SLC26A8: variants seen among roughly 807,000 people sequenced by gnomAD.
SLC26A8 encodes testis anion transporter 1.
In SLC26A8, 70 loss-of-function variants were observed where a neutral mutation model predicts 105.0. The observed-to-expected ratio is 0.67, with a 90% CI of 0.55 to 0.81. The LOEUF is 0.81. Among genes scored for constraint, SLC26A8 ranks in the 40% least tolerant of loss-of-function variants. SLC26A8 has a pLI of 0.00. For synonymous variants in SLC26A8, 415 were observed against 438.3 expected (o/e 0.95, Z 0.66); for missense variants, 998 against 1,181.8 (o/e 0.84, Z 2.28).
chr6:35,977,248 T>G lies in SLC26A8; in HGVS notation c.1129A>C (p.Lys377Gln), dbSNP rs768742066. ...VSSFLLIFLG[K>Q]KIASLHNYSV... The stretch of plus-strand genomic sequence containing the variant: ...TAATTGTGAAGACTGGCAATCTTCT[T>G]GCCCAGAAATATGAGCAGAAAGGAG... The change falls in exon 9 of 20, where the codon AAG (lysine) becomes CAG (glutamine). Residue 377 changes from lysine (K) to glutamine (Q), a missense_variant. Lys to Gln is a moderately conservative substitution (Grantham distance 53). Transcript: ENST00000490799. The G allele has an allele frequency of 6.2e-7, 1 of 1,614,124 alleles. No individual in the cohort carries two copies. Among genetic ancestry groups the G allele is most frequent in the South Asian group, 1.1e-5 (1 of 91,078 alleles).
intron 19 of SLC26A8, among the ~76,000 whole-genome samples, chr6:35,950,827 T>C (rs567252485): frequency 1.3e-5 from 2 of 152,122 alleles, no homozygotes; most frequent in Non-Finnish European, 1.5e-5. Context: ...ATTTAGCAAC[T>C]GGTAATAGAC....
intron 5 of SLC26A8, among the ~76,000 whole-genome samples, chr6:35,996,514 A>T (rs1761354539): frequency 6.6e-6 from 1 of 152,144 alleles, no homozygotes; most frequent in African/African-American, 2.4e-5. Context: ...ACCCAAAGAT[A>T]GTGTGTGAGC....
chr6:35,955,974 C>T (rs994974793), intron 16 of SLC26A8, among the ~76,000 whole-genome samples: 1 of 152,142 alleles, frequency 6.6e-6, no homozygotes, highest in African/African-American at 2.4e-5. Context: ...GGTGCAGTGG[C>T]TCATGCCTAT....
intron 3 of SLC26A8, among the ~76,000 whole-genome samples, chr6:36,010,167 G>A (rs1309472203): frequency 6.6e-6 from 1 of 152,162 alleles, no homozygotes; most frequent in East Asian, 1.9e-4. Flanking sequence ...TCATTTGTGA[G>A]AGACCAAAAC....
At chr6:35,998,143 T>C (rs1279012960) in intron 4 of SLC26A8, among the ~76,000 whole-genome samples, 2 of 152,190 alleles carry the variant, frequency 1.3e-5, no homozygotes, top group African/African-American at 4.8e-5. Flanking sequence ...GTATTTAGTC[T>C]CTTTGTGTTA....
intron 2 of SLC26A8, among the ~76,000 whole-genome samples, chr6:36,015,551 G>A (rs758510162): frequency 1.3e-5 from 2 of 152,172 alleles, no homozygotes; most frequent in East Asian, 1.9e-4. Context: ...TTAAGTGTCC[G>A]GATGGCAAGG....
intron 3 of SLC26A8, among the ~76,000 whole-genome samples, chr6:36,011,875 C>CT (rs1157203271): frequency 6.6e-6 from 1 of 152,212 alleles, no homozygotes; most frequent in East Asian, 1.9e-4. Context: ...TCCCAAAGTG[C>CT]TGGGATTACA....
chr6:35,973,105 C>T (rs564807207), intron 10 of SLC26A8, among the ~76,000 whole-genome samples: 1 of 152,304 alleles, frequency 6.6e-6, no homozygotes, highest in East Asian at 1.9e-4. Flanking sequence ...TTTCCTTGCA[C>T]TGTGATTTAG....
chr6:35,991,802 T>C lies in SLC26A8; in HGVS notation c.799A>G (p.Ile267Val). 1 of 1,586,248 alleles carries C rather than the reference T, an allele frequency of 6.3e-7. No homozygotes were observed. Among genetic ancestry groups the C allele is most frequent in the Non-Finnish European group, 8.5e-7 (1 of 1,170,688 alleles). Residue 267 changes from isoleucine to valine, a missense_variant, in exon 7 of 20, where the codon ATT (isoleucine) becomes GTT (valine). Ile to Val is a conservative substitution (Grantham distance 29, BLOSUM62 3). Transcript: ENST00000490799. ...AGPISFFYDI[I>V]NYCVALPKAN... ...TTTGGGAGAGCTACACAGTAATTAA[T>C]TATGTCCTGAAAGAAAATAAAATTA...
chr6:35,992,374 G>T, intron 6 of SLC26A8, 136 bp downstream of exon 6: 5 of 764,520 alleles, frequency 6.5e-6, no homozygotes, highest in Non-Finnish European at 9.8e-6. Context: ...AATATTTCTA[G>T]TACCCTCTTG....
intron 16 of SLC26A8, among the ~76,000 whole-genome samples, chr6:35,956,464 G>C (rs534545133): frequency 2.0e-5 from 3 of 151,436 alleles, no homozygotes; most frequent in African/African-American, 7.3e-5. Context: ...CATGAGCAAG[G>C]CTGTCTTTAC....
In SLC26A8 at chr6:35,965,669, C is replaced by T. The variant is rs572107553; in HGVS notation, c.1366-3048G>A. ...TGCACTCCAGCCTGGGCAACAAGAG[C>T]GAAACTCCATCTCAAAAAAAAAAAA... On this transcript the variant is annotated intron_variant, in intron 11 of 19. Coordinates refer to ENST00000490799, the MANE Select transcript of SLC26A8 (RefSeq NM_052961.4). Among the ~76,000 whole-genome samples the T allele has an allele frequency of 3.4e-4, 39 of 114,364 alleles. No homozygotes were observed. In the South Asian group the frequency reaches 9.6e-3, roughly 28 times the overall value. The allele number at this position is 114,364 out of a possible 152,430, so 75.0% of individuals were successfully genotyped here. A position where few individuals can be genotyped will look rare whatever the true frequency, so the allele number is the denominator to read the frequency against.
intron 2 of SLC26A8, among the ~76,000 whole-genome samples, chr6:36,014,599 T>C (rs1761946206): frequency 6.6e-6 from 1 of 152,146 alleles, no homozygotes; most frequent in African/African-American, 2.4e-5. Flanking sequence ...AACTCACTTA[T>C]GGCCAGGTGC....
At position 35,959,547 on chromosome 6, in the gene SLC26A8, G is replaced by C; in HGVS notation, c.1776C>G (p.Ser592Arg). The change falls in exon 16 of 20, where the codon AGC becomes AGG. Residue 592 changes from serine (S) to arginine (R), a missense_variant. Coordinates refer to ENST00000490799, the MANE Select transcript of SLC26A8 (RefSeq NM_052961.4). ...KVPLKEEEIFSLFNSSDTNLQ... is the reference protein window; with the variant it reads ...KVPLKEEEIFRLFNSSDTNLQ... ...GATTGGTGTCACTTGAATTAAACAA[G>C]CTGAAAATTTCTTCTTCTTTAAGAG... 1.2e-6 allele frequency: 2 copies of C among 1,613,952 alleles called. No homozygotes were observed. Among genetic ancestry groups the C allele is most frequent in the Middle Eastern group, 1.6e-4 (1 of 6,062 alleles).
intron 3 of SLC26A8, among the ~76,000 whole-genome samples, chr6:36,006,502 A>AG (rs775353644): frequency 1.3e-5 from 2 of 152,166 alleles, no homozygotes; most frequent in African/African-American, 2.4e-5. Flanking sequence ...TATTACTCTA[A>AG]TGCCATTCTT....
chr6:35,978,053 T>C (rs1581655389), intron 8 of SLC26A8, among the ~76,000 whole-genome samples: 1 of 146,072 alleles, frequency 6.8e-6, no homozygotes, highest in East Asian at 2.0e-4. Flanking sequence ...GCCACTGCAC[T>C]CTAGCCTGGG....
At chr6:35,982,654 C>A (rs961926642) in intron 7 of SLC26A8, among the ~76,000 whole-genome samples, 1 of 152,062 alleles carries the variant, frequency 6.6e-6, no homozygotes, top group Non-Finnish European at 1.5e-5. Flanking sequence ...ATCTCCCCAC[C>A]AACTTTAAAC....
chr6:35,997,198 G>A (rs969914509), intron 5 of SLC26A8, among the ~76,000 whole-genome samples: 24 of 152,282 alleles, frequency 1.6e-4, no homozygotes, highest in African/African-American at 5.8e-4. Context: ...CAGCAGGCAA[G>A]CAAGCATCAC....
At chr6:35,944,563 A>T (rs1366260264) in intron 19 of SLC26A8, among the ~76,000 whole-genome samples, 1 of 149,734 alleles carries the variant, frequency 6.7e-6, no homozygotes, top group Non-Finnish European at 1.5e-5. Flanking sequence ...TTATTATTTT[A>T]AAAACTAGTT....
Sources: gnomAD v4.1 joint callset for allele counts (sites outside exome capture counted in the v4.1 genomes callset) on GRCh38, gnomAD v4.1.1 for gene constraint, MANE v1.5 for transcripts, NCBI Gene and HGNC (gene_info 2026-07-23, HGNC 2026-07-21) for gene names.